The following ADGRB3 variants were observed in gnomAD, a reference collection of about 807,000 sequenced individuals.
ADGRB3 encodes adhesion G protein-coupled receptor B3.
In ADGRB3, 37 loss-of-function variants were observed where a neutral mutation model predicts 193.4. The ratio of observed to expected loss-of-function variants is 0.19; its 90% CI spans 0.15 to 0.25. ADGRB3 has a LOEUF of 0.25. ADGRB3 is among the 10% of genes least tolerant of loss of function. The probability of loss-of-function intolerance (pLI) is 1.00; values close to 1 mark genes in which losing one functional copy is unlikely to be tolerated. For missense variants in ADGRB3, 1,637 were observed against 1,852.9 expected, an observed-to-expected ratio of 0.88 and a Z score of 2.14; for synonymous variants, 690 against 644.2, an observed-to-expected ratio of 1.07 and a Z score of -1.08.
At chr6:68,882,711 C>A (rs1765765391) in intron 3 of ADGRB3, among the ~76,000 whole-genome samples, 2 of 152,198 alleles carry the variant, frequency 1.3e-5, no homozygotes, top group East Asian at 1.9e-4. Context: ...TCAGGGTATT[C>A]TCTGTGGCAG....
intron 3 of ADGRB3, among the ~76,000 whole-genome samples, chr6:68,746,075 T>A (rs1766077851): frequency 1.3e-5 from 2 of 152,060 alleles, no homozygotes; most frequent in South Asian, 4.1e-4. Flanking sequence ...ATATGAACAT[T>A]TACATTTTTT....
At chr6:69,378,703 G>A (rs1769884170) in intron 30 of ADGRB3, among the ~76,000 whole-genome samples, 1 of 151,968 alleles carries the variant, frequency 6.6e-6, no homozygotes. Flanking sequence ...CAACTTAAAA[G>A]TGATACAACT....
chr6:68,942,614 T>A (rs1767674729), intron 5 of ADGRB3, among the ~76,000 whole-genome samples: 1 of 152,034 alleles, frequency 6.6e-6, no homozygotes, highest in Non-Finnish European at 1.5e-5. Flanking sequence ...AAACACTGAA[T>A]ATTTTTTTTT....
intron 3 of ADGRB3, among the ~76,000 whole-genome samples, chr6:68,761,723 C>G (rs1212040182): frequency 6.6e-6 from 1 of 151,594 alleles, no homozygotes; most frequent in East Asian, 1.9e-4. Context: ...TGTTTGTCCT[C>G]TGATCAAGTC....
At chr6:69,160,067 A>G (rs1231299544) in intron 17 of ADGRB3, among the ~76,000 whole-genome samples, 1 of 152,130 alleles carries the variant, frequency 6.6e-6, no homozygotes, top group Non-Finnish European at 1.5e-5. Flanking sequence ...ATTCATGATC[A>G]ATTGTCTAAG....
At chr6:69,090,422 A>G (rs1772672215) in intron 17 of ADGRB3, among the ~76,000 whole-genome samples, 1 of 152,232 alleles carries the variant, frequency 6.6e-6, no homozygotes, top group Non-Finnish European at 1.5e-5. Flanking sequence ...CTTGCTTTCC[A>G]GTATATGTAA....
At chr6:68,808,182 T>C (rs1170714909) in intron 3 of ADGRB3, among the ~76,000 whole-genome samples, 2 of 152,208 alleles carry the variant, frequency 1.3e-5, no homozygotes, top group Non-Finnish European at 2.9e-5. Flanking sequence ...TATTTTACAA[T>C]AGATAAATGT....
chr6:68,911,342 C>G (rs921950993), intron 3 of ADGRB3, among the ~76,000 whole-genome samples: 4 of 151,502 alleles, frequency 2.6e-5, no homozygotes, highest in Non-Finnish European at 5.9e-5. Context: ...GGGTGCAGCA[C>G]AACAACATGG....
intron 17 of ADGRB3, among the ~76,000 whole-genome samples, chr6:69,164,442 A>G (rs1775080197): frequency 6.6e-6 from 1 of 152,156 alleles, no homozygotes; most frequent in Admixed American, 6.6e-5. Flanking sequence ...AGCAGATGTT[A>G]TCACATATCC....
At chr6:68,976,234 A>G (rs2150266219) in intron 10 of ADGRB3, among the ~76,000 whole-genome samples, 1 of 152,334 alleles carries the variant, frequency 6.6e-6, no homozygotes, top group Admixed American at 6.5e-5. Context: ...GAAATAGCTT[A>G]TACAATAACA....
intron 17 of ADGRB3, among the ~76,000 whole-genome samples, chr6:69,175,945 G>A (rs1775407873): frequency 6.6e-6 from 1 of 152,144 alleles, no homozygotes; most frequent in African/African-American, 2.4e-5. Context: ...GGCAATACAA[G>A]TTATTGGTGT....
rs1768113411 is a variant in ADGRB3 at position 69,308,560 on chromosome 6, T to C, written c.2815-16312T>C. On this transcript the variant is annotated intron_variant, in intron 20 of 31. Transcript: ENST00000370598. ...AAAGCATAATAATATGTGTCTGTCT[T>C]CTGTGTATTAATACCAAAGGTAATA... 2.0e-5 allele frequency among the ~76,000 whole-genome samples: 3 copies of C among 151,742 alleles called. No homozygotes were observed. The East Asian group carries it at 5.8e-4, about 30-fold the overall frequency.
chr6:69,337,409 T>C (rs1768876407), intron 24 of ADGRB3, among the ~76,000 whole-genome samples: 1 of 152,032 alleles, frequency 6.6e-6, no homozygotes, highest in Admixed American at 6.6e-5. Flanking sequence ...CTATGGAGCT[T>C]TAAAAAAAGC....
intron 3 of ADGRB3, among the ~76,000 whole-genome samples, chr6:68,821,792 G>A (rs1767752576): frequency 6.6e-6 from 1 of 151,702 alleles, no homozygotes; most frequent in Admixed American, 6.6e-5. Context: ...TTTCTTACAT[G>A]TATTTTATTA....
intron 3 of ADGRB3, among the ~76,000 whole-genome samples, chr6:68,828,504 T>G (rs1767891575): frequency 6.6e-6 from 1 of 152,156 alleles, no homozygotes; most frequent in African/African-American, 2.4e-5. Flanking sequence ...TGTTCACTGG[T>G]CTCTAAAAGT....
intron 10 of ADGRB3, among the ~76,000 whole-genome samples, chr6:68,981,988 C>A (rs1199300681): frequency 1.3e-5 from 2 of 151,836 alleles, no homozygotes; most frequent in Non-Finnish European, 2.9e-5. Context: ...AGCGATCAAG[C>A]GATTCTCCTG....
intron 8 of ADGRB3, among the ~76,000 whole-genome samples, chr6:68,958,870 A>AAATAGTGTGTGTGT (rs1554227911): frequency 4.1e-5 from 6 of 147,234 alleles, no homozygotes; most frequent in African/African-American, 1.5e-4. Flanking sequence ...AAAGAAAAAT[A>AAATAGTGTGTGTGT]GTGTGTGTGT....
chr6:69,092,788 T>A (rs1485823486), intron 17 of ADGRB3, among the ~76,000 whole-genome samples: 1 of 152,012 alleles, frequency 6.6e-6, no homozygotes, highest in African/African-American at 2.4e-5. Flanking sequence ...GTGAAGACAT[T>A]GGACGATTAA....
intron 17 of ADGRB3, among the ~76,000 whole-genome samples, chr6:69,173,597 G>A (rs191628450): frequency 1.7e-4 from 26 of 152,160 alleles, no homozygotes; most frequent in Admixed American, 1.0e-3. Flanking sequence ...CACAATTAAA[G>A]GCATTGGGTA....
Sources: gnomAD v4.1 joint callset for allele counts (sites outside exome capture counted in the v4.1 genomes callset) on GRCh38, gnomAD v4.1.1 for gene constraint, MANE v1.5 for transcripts, NCBI Gene and HGNC (gene_info 2026-07-23, HGNC 2026-07-21) for gene names.